The following TBC1D22B variants were observed in gnomAD, a reference collection of about 807,000 sequenced individuals.
TBC1D22B encodes the protein chromosome 6 open reading frame 197.
A neutral mutation model predicts 69.1 loss-of-function variants in TBC1D22B; 32 were observed. The observed-to-expected ratio is 0.46, with a 90% CI of 0.35 to 0.62. The LOEUF is 0.62. TBC1D22B is among the 20% of genes least tolerant of loss of function. TBC1D22B has a pLI of 0.00. For synonymous variants in TBC1D22B, 206 were observed against 229.8 expected (o/e 0.90, Z 0.94); for missense variants, 462 against 630.9 (o/e 0.73, Z 2.87).
At position 37,312,863 on chromosome 6, in the gene TBC1D22B, T is replaced by C. The variant is rs907229687; in HGVS notation, c.983-55T>C. 1.1e-5 allele frequency: 16 copies of C among 1,445,058 alleles called. No individual in the cohort carries two copies. The African/African-American group carries it at 2.2e-4, about 20-fold the overall frequency. 89.5% of individuals were successfully genotyped at this position (1,445,058 alleles called of 1,614,324 possible). On this transcript the variant is annotated intron_variant, in intron 8 of 12. Transcript: ENST00000373491. ...CATTGAAGACACTCGAATCTATCTTTCTCTCTCCATTTTTAGATAAGACCT... is the reference window on the plus strand; with the variant it reads ...CATTGAAGACACTCGAATCTATCTTCCTCTCTCCATTTTTAGATAAGACCT...
At chr6:37,281,620 C>A (rs1438482618) in intron 3 of TBC1D22B, among the ~76,000 whole-genome samples, 1 of 152,146 alleles carries the variant, frequency 6.6e-6, no homozygotes, top group African/African-American at 2.4e-5. Context: ...TCCTTTTAGT[C>A]CTTGGAGCAG....
chr6:37,282,032 C>T (rs893023427), intron 3 of TBC1D22B, among the ~76,000 whole-genome samples, 153 bp from the exon 4 acceptor site: 3 of 152,140 alleles, frequency 2.0e-5, no homozygotes, highest in Non-Finnish European at 4.4e-5. Context: ...GGGTTCTGGC[C>T]CCTCGCTGCC....
At chr6:37,321,170 T>A (rs1013755957) in intron 12 of TBC1D22B, among the ~76,000 whole-genome samples, 1 of 151,090 alleles carries the variant, frequency 6.6e-6, no homozygotes, top group Non-Finnish European at 1.5e-5. Context: ...TAATACCCCA[T>A]TTTACAAATG....
At chr6:37,262,233 T>C (rs1766130450) in intron 1 of TBC1D22B, among the ~76,000 whole-genome samples, 1 of 152,044 alleles carries the variant, frequency 6.6e-6, no homozygotes, top group African/African-American at 2.4e-5. Flanking sequence ...GGTTTCGCCA[T>C]GTTGGCCAGG....
intron 12 of TBC1D22B, among the ~76,000 whole-genome samples, 154 bp from the exon 13 acceptor site, chr6:37,330,890 C>A (rs571252037): frequency 6.6e-6 from 1 of 152,220 alleles, no homozygotes; most frequent in East Asian, 1.9e-4. Flanking sequence ...GGACTGAAAG[C>A]TGTGTACTGT....
intron 8 of TBC1D22B, among the ~76,000 whole-genome samples, chr6:37,303,422 G>A (rs776338046): frequency 1.3e-4 from 19 of 151,958 alleles, no homozygotes; most frequent in Admixed American, 1.3e-4. Flanking sequence ...GTGATTTTAC[G>A]TCCTAAATGT....
chr6:37,326,787 C>CAA (rs112364776), intron 12 of TBC1D22B, among the ~76,000 whole-genome samples: 28 of 149,526 alleles, frequency 1.9e-4, no homozygotes, highest in African/African-American at 5.4e-4. Flanking sequence ...GACTACGTCT[C>CAA]AAAAAAAAAC....
intron 1 of TBC1D22B, among the ~76,000 whole-genome samples, chr6:37,266,123 C>T (rs1766262685): frequency 6.6e-6 from 1 of 152,188 alleles, no homozygotes; most frequent in South Asian, 2.1e-4. Flanking sequence ...AACATATCGT[C>T]CCACTTAAAC....
rs1426966913 is a variant in TBC1D22B, at chr6:37,262,005, C to T, written c.56+4032C>T. Among the ~76,000 whole-genome samples the T allele has an allele frequency of 5.5e-5, 7 of 126,316 alleles. 1 individual carries two copies. The highest frequency in any genetic ancestry group is 1.8e-4 in the African/African-American group (6 of 33,178). 82.9% of individuals were successfully genotyped at this position (126,316 alleles called of 152,430 possible). A position where few individuals can be genotyped will look rare whatever the true frequency, so the allele number is the denominator to read the frequency against. ...TGTGTGTGTGTGTGTGTCTAGAGCT[C>T]GGGCACAGGAGAAAAAAAAAATCAC... is the stretch of plus-strand genomic sequence containing the variant. On this transcript the variant is annotated intron_variant, in intron 1 of 12. Coordinates refer to ENST00000373491, the MANE Select transcript of TBC1D22B (RefSeq NM_017772.4).
At chr6:37,317,495 C>T (rs149851920) in intron 12 of TBC1D22B, among the ~76,000 whole-genome samples, 1 of 152,266 alleles carries the variant, frequency 6.6e-6, no homozygotes, top group East Asian at 1.9e-4. Flanking sequence ...ATGCTTGCTA[C>T]ATGCCAGCAC....
intron 2 of TBC1D22B, among the ~76,000 whole-genome samples, chr6:37,278,880 C>CCATGAT (rs1312719223): frequency 6.6e-6 from 1 of 151,956 alleles, no homozygotes; most frequent in African/African-American, 2.4e-5. Flanking sequence ...CTGCAGAGAG[C>CCATGAT]CATGATCATA....
At chr6:37,319,929 G>C (rs1019280405) in intron 12 of TBC1D22B, among the ~76,000 whole-genome samples, 1 of 152,190 alleles carries the variant, frequency 6.6e-6, no homozygotes, top group Admixed American at 6.5e-5. Context: ...CTGCTGAAGG[G>C]CTGCTTGTAG....
rs144922505 is a variant in TBC1D22B at position 37,282,288 on chromosome 6, C to T, written c.525C>T (p.Ala175=). Residue 175 remains alanine, a synonymous_variant, in exon 4 of 13, where the codon GCC becomes GCT. Coordinates refer to ENST00000373491, the MANE Select transcript of TBC1D22B (RefSeq NM_017772.4). ...TCTCGGATCAGAACGCTTCTGGGGC[C>T]CCCCCAATGACTGTCCGGGAGAAAA... The part of the protein sequence containing the change: ...ARISDQNASG[A]PPMTVREKTR... 6.2e-6 allele frequency: 10 copies of T among 1,613,976 alleles called. No individual in the cohort carries two copies. In the African/African-American group the frequency reaches 9.3e-5, roughly 15 times the overall value.
intron 12 of TBC1D22B, among the ~76,000 whole-genome samples, chr6:37,319,533 T>A (rs1027049651): frequency 2.0e-5 from 3 of 152,214 alleles, no homozygotes; most frequent in Non-Finnish European, 4.4e-5. Context: ...CCTAGAGATA[T>A]TCTTTACTGG....
intron 12 of TBC1D22B, among the ~76,000 whole-genome samples, chr6:37,325,294 A>T (rs1221192373): frequency 6.6e-6 from 1 of 152,084 alleles, no homozygotes; most frequent in Admixed American, 6.5e-5. Context: ...TGTTTTCTAC[A>T]AAGGGTGTTT....
intron 12 of TBC1D22B, among the ~76,000 whole-genome samples, 194 bp from the exon 13 acceptor site, chr6:37,330,850 G>C (rs1034546770): frequency 6.6e-6 from 1 of 152,114 alleles, no homozygotes; most frequent in Non-Finnish European, 1.5e-5. Context: ...AGAATCAGCA[G>C]AGGCTTTCAA....
chr6:37,331,495 A>G lies in TBC1D22B; in HGVS notation c.*323A>G. ...GGGTCTCACCTCACATTGTCCCTAC[A>G]AGGACAGGCCCCAACTGATAACCGT... On this transcript the variant is annotated 3_prime_UTR_variant, in exon 13 of 13. Transcript: ENST00000373491. The G allele has an allele frequency of 4.5e-6, 1 of 224,444 alleles. No homozygotes were observed. 13.9% of individuals were successfully genotyped at this position (224,444 alleles called of 1,614,324 possible).
chr6:37,297,611 G>T (rs1220615202), intron 8 of TBC1D22B, among the ~76,000 whole-genome samples: 4 of 151,960 alleles, frequency 2.6e-5, no homozygotes, highest in Non-Finnish European at 5.9e-5. Context: ...GACTTCTAAT[G>T]GCTTCACCTA....
At chr6:37,317,676 C>T (rs1244616339) in intron 12 of TBC1D22B, among the ~76,000 whole-genome samples, 4 of 151,954 alleles carry the variant, frequency 2.6e-5, no homozygotes, top group Non-Finnish European at 5.9e-5. Context: ...AAAAGTAGAG[C>T]AGGGTAAAGG....
Sources: allele counts gnomAD v4.1 joint callset (sites outside exome capture counted in the v4.1 genomes callset), GRCh38; gene constraint gnomAD v4.1.1; transcripts MANE v1.5; gene names NCBI Gene and HGNC (gene_info 2026-07-23, HGNC 2026-07-21).